The following ADAM12 variants were observed in gnomAD, a reference collection of about 807,000 sequenced individuals.
The protein encoded by ADAM12 is ADAM metallopeptidase domain 12.
A neutral mutation model predicts 106.4 loss-of-function variants in ADAM12; 70 were observed. The observed-to-expected ratio is 0.66, with a 90% CI of 0.54 to 0.80. ADAM12 has a LOEUF of 0.80. Among genes scored for constraint, ADAM12 ranks in the 30% least tolerant of loss-of-function variants. The probability of loss-of-function intolerance (pLI) is 0.00; values close to 1 mark genes in which losing one functional copy is unlikely to be tolerated. For missense variants in ADAM12, 1,010 were observed against 1,171.9 expected (o/e 0.86, Z 2.02); for synonymous variants, 420 against 433.5 (o/e 0.97, Z 0.39).
intron 5 of ADAM12, among the ~76,000 whole-genome samples, chr10:126,132,270 C>G (rs185478136): frequency 6.6e-6 from 1 of 152,130 alleles, no homozygotes; most frequent in East Asian, 1.9e-4. Flanking sequence ...ACCGCGCCCC[C>G]GGGCAGCTTT....
intron 3 of ADAM12, among the ~76,000 whole-genome samples, chr10:126,264,872 C>G (rs988320199): frequency 6.6e-6 from 1 of 152,208 alleles, no homozygotes; most frequent in Admixed American, 6.5e-5. Flanking sequence ...CTCACCCCAG[C>G]ATCTACCTCC....
chr10:126,228,479 A>G (rs928371498), intron 3 of ADAM12, among the ~76,000 whole-genome samples: 6 of 152,228 alleles, frequency 3.9e-5, no homozygotes, highest in Non-Finnish European at 5.9e-5. Flanking sequence ...ATAAAACCCT[A>G]AGAAGGTTTA....
intron 1 of ADAM12, among the ~76,000 whole-genome samples, chr10:126,337,556 G>C (rs1481994228): frequency 6.6e-6 from 1 of 152,194 alleles, no homozygotes; most frequent in Non-Finnish European, 1.5e-5. Context: ...TGTGCTGGCA[G>C]CACATGGGAT....
At chr10:126,341,261 A>G (rs1486020967) in intron 1 of ADAM12, among the ~76,000 whole-genome samples, 1 of 152,112 alleles carries the variant, frequency 6.6e-6, no homozygotes, top group Non-Finnish European at 1.5e-5. Flanking sequence ...ACCACCCCTC[A>G]ATCAAAAATA....
chr10:126,385,837 G>T (rs1453389292), intron 1 of ADAM12, among the ~76,000 whole-genome samples: 1 of 152,136 alleles, frequency 6.6e-6, no homozygotes, highest in Non-Finnish European at 1.5e-5. Flanking sequence ...AGCCACTGGG[G>T]AGTTTTAGAC....
chr10:126,100,426 T>G (rs11814002), intron 9 of ADAM12, among the ~76,000 whole-genome samples: 11,043 of 151,848 alleles, frequency 0.073, 1,356 homozygotes, highest in African/African-American at 0.25. Context: ...CTCCTCGGCC[T>G]GGCGCGGTGG....
chr10:126,079,426 C>T (rs1955168974), intron 11 of ADAM12, among the ~76,000 whole-genome samples: 2 of 152,158 alleles, frequency 1.3e-5, no homozygotes, highest in Non-Finnish European at 2.9e-5. Context: ...AATCCTACAC[C>T]ATGTGGCCTT....
At chr10:126,091,318 G>C (rs757320936) in intron 11 of ADAM12, among the ~76,000 whole-genome samples, 44 of 152,144 alleles carry the variant, frequency 2.9e-4, no homozygotes, top group Admixed American at 2.0e-4. Context: ...AGATAATACC[G>C]GAGCAGCCGG....
At chr10:126,246,323 G>C (rs1958628359) in intron 3 of ADAM12, among the ~76,000 whole-genome samples, 1 of 152,140 alleles carries the variant, frequency 6.6e-6, no homozygotes, top group African/African-American at 2.4e-5. Context: ...AAATGCCCCA[G>C]ATTTTATAGT....
intron 8 of ADAM12, among the ~76,000 whole-genome samples, chr10:126,103,524 C>T (rs922653995): frequency 1.3e-5 from 2 of 152,196 alleles, no homozygotes; most frequent in Admixed American, 6.5e-5. Flanking sequence ...GTCAAAGACA[C>T]GGAGGCTTGG....
At chr10:126,120,304 G>T (rs1020250719) in intron 5 of ADAM12, among the ~76,000 whole-genome samples, 1 of 152,218 alleles carries the variant, frequency 6.6e-6, no homozygotes, top group African/African-American at 2.4e-5. Context: ...CAGGTGAATT[G>T]TAGAAGAATG....
At chr10:126,383,311 C>T (rs1856554765) in intron 1 of ADAM12, among the ~76,000 whole-genome samples, 1 of 151,570 alleles carries the variant, frequency 6.6e-6, no homozygotes, top group South Asian at 2.1e-4. Context: ...AATAACTGTC[C>T]CAGAAAGTAG....
intron 2 of ADAM12, among the ~76,000 whole-genome samples, chr10:126,313,365 C>T (rs998116097): frequency 2.0e-5 from 3 of 152,238 alleles, no homozygotes; most frequent in Non-Finnish European, 4.4e-5. Context: ...CAGACCAACC[C>T]TGCCTCACAA....
At chr10:126,319,754 A>G (rs1159325936) in intron 2 of ADAM12, among the ~76,000 whole-genome samples, 1 of 152,240 alleles carries the variant, frequency 6.6e-6, no homozygotes, top group Non-Finnish European at 1.5e-5. Context: ...AAGTGTAACA[A>G]CAGGGGAGAC....
At chr10:126,130,112 G>A (rs77121642) in intron 5 of ADAM12, among the ~76,000 whole-genome samples, 3,922 of 152,164 alleles carry the variant, frequency 0.026, 105 homozygotes, top group East Asian at 0.1. Flanking sequence ...TGTTTCTGGA[G>A]CACACCACAT....
chr10:126,301,748 T>C (rs563288198), intron 2 of ADAM12, among the ~76,000 whole-genome samples: 33 of 152,098 alleles, frequency 2.2e-4, no homozygotes, highest in African/African-American at 7.5e-4. Context: ...CCATTACGAG[T>C]CCACTAAGAA....
intron 5 of ADAM12, among the ~76,000 whole-genome samples, chr10:126,123,611 T>C (rs1377429635): frequency 6.6e-6 from 1 of 152,182 alleles, no homozygotes; most frequent in Admixed American, 6.5e-5. Flanking sequence ...CTCCGTACAC[T>C]GATCACTCTG....
chr10:126,113,362 A>G (rs1955905922), intron 6 of ADAM12, among the ~76,000 whole-genome samples: 1 of 151,958 alleles, frequency 6.6e-6, no homozygotes. Context: ...TGAATGTGAG[A>G]TTTTAAAAAT....
intron 3 of ADAM12, among the ~76,000 whole-genome samples, chr10:126,194,520 G>A (rs1184608867): frequency 2.0e-5 from 3 of 152,116 alleles, no homozygotes; most frequent in African/African-American, 7.2e-5. Flanking sequence ...AGAGACCCCT[G>A]GTGTTGACTT....
Sources: allele counts gnomAD v4.1 joint callset (sites outside exome capture counted in the v4.1 genomes callset), GRCh38; gene constraint gnomAD v4.1.1; transcripts MANE v1.5; gene names NCBI Gene and HGNC (gene_info 2026-07-23, HGNC 2026-07-21).